Variants in U2SURP observed in about 807,000 individuals in gnomAD.
The protein encoded by U2SURP is U2 snRNP associated SURP domain containing.
Under a neutral mutation model 144.9 loss-of-function variants are expected in U2SURP, and 9 were observed. That is an observed-to-expected ratio of 0.06 (90% confidence interval 0.04 to 0.11). U2SURP has a LOEUF of 0.11. Ranked by LOEUF, U2SURP falls within the 10% of genes least tolerant of loss-of-function variation. U2SURP has a pLI of 1.00. For synonymous variants in U2SURP, 408 were observed against 396.8 expected, an observed-to-expected ratio of 1.03 and a Z score of -0.33; for missense variants, 724 against 1,226.7, an observed-to-expected ratio of 0.59 and a Z score of 6.12.
At chr3:143,002,741 C>T (rs1234346449) in intron 1 of U2SURP, among the ~76,000 whole-genome samples, 1 of 152,206 alleles carries the variant, frequency 6.6e-6, no homozygotes, top group Non-Finnish European at 1.5e-5. Context: ...TACTTGCTTT[C>T]TCTAATCCGA....
chr3:143,035,023 G>T, intron 19 of U2SURP, 48 bp downstream of exon 19: 1 of 298,980 alleles, frequency 3.3e-6, no homozygotes, highest in Admixed American at 4.5e-5. Flanking sequence ...TAAATGGGTG[G>T]GGGGAGGGCA....
At chr3:143,021,948 G>A (rs1187606663) in intron 10 of U2SURP, among the ~76,000 whole-genome samples, 2 of 152,108 alleles carry the variant, frequency 1.3e-5, no homozygotes, top group African/African-American at 2.4e-5. Context: ...CATTGGTGCT[G>A]TTAATTATGA....
At chr3:143,036,901 A>G (rs1428821594) in intron 20 of U2SURP, 1 of 380,438 alleles carries the variant, frequency 2.6e-6, no homozygotes, top group East Asian at 4.6e-5. Context: ...AAACAACAGC[A>G]AAAACCTTTA....
At position 143,022,620 on chromosome 3, in the gene U2SURP, A is replaced by G. The variant is rs1461855388; in HGVS notation, c.976A>G (p.Met326Val). The change falls in exon 11 of 28, where the codon ATG (methionine) becomes GTG (valine). Residue 326 changes from methionine (M) to valine (V), a missense_variant. This residue lies in a region of U2SURP where 1 missense variants were observed against 31.7 expected (regional missense o/e 0.03). Transcript: ENST00000473835. ...GAGAAATTGCGGCTTTGTGGCCTTT[A>G]TGAATAGAAGAGATGCTGAAAGAGC... ...RERNCGFVAF[M>V]NRRDAERALK... The G allele has an allele frequency of 6.2e-7, 1 of 1,613,728 alleles. No individual in the cohort carries two copies. Among genetic ancestry groups the G allele is most frequent in the Non-Finnish European group, 8.5e-7 (1 of 1,179,824 alleles).
chr3:143,007,203 T>A (rs1390281723), intron 1 of U2SURP, among the ~76,000 whole-genome samples: 3 of 152,178 alleles, frequency 2.0e-5, no homozygotes, highest in Admixed American at 6.5e-5. Context: ...TTAAAATAAA[T>A]TTCTCTTGTG....
intron 21 of U2SURP, among the ~76,000 whole-genome samples, chr3:143,037,555 G>C (rs930438096): frequency 1.3e-5 from 2 of 151,784 alleles, no homozygotes; most frequent in African/African-American, 4.8e-5. Context: ...TTTTTTTCTG[G>C]TCACATTTCT....
At chr3:143,004,050 G>A (rs1034113788) in intron 1 of U2SURP, among the ~76,000 whole-genome samples, 3 of 152,038 alleles carry the variant, frequency 2.0e-5, no homozygotes, top group South Asian at 4.1e-4. Context: ...AGATCATTTT[G>A]GCTAATACTA....
chr3:143,053,133 A>G (rs1035638217), intron 25 of U2SURP, among the ~76,000 whole-genome samples: 1 of 152,052 alleles, frequency 6.6e-6, no homozygotes, highest in Non-Finnish European at 1.5e-5. Flanking sequence ...GATTAAATCA[A>G]TTTGTTTATA....
intron 4 of U2SURP, among the ~76,000 whole-genome samples, chr3:143,015,589 T>G (rs780748025): frequency 2.6e-5 from 4 of 152,128 alleles, no homozygotes; most frequent in Non-Finnish European, 2.9e-5. Flanking sequence ...TTCAAATAAT[T>G]ATTCAGTTAT....
intron 1 of U2SURP, among the ~76,000 whole-genome samples, chr3:143,007,989 A>G (rs1302516171): frequency 6.6e-6 from 1 of 152,224 alleles, no homozygotes; most frequent in African/African-American, 2.4e-5. Flanking sequence ...AGCTGTAGGT[A>G]TGTATCAGTG....
rs1439916873 is a variant in U2SURP, at chr3:143,049,012, T to G, written c.2545-1927T>G. Among the ~76,000 whole-genome samples the G allele has an allele frequency of 2.6e-5, 4 of 151,238 alleles. 1 individual carries two copies. Among genetic ancestry groups the G allele is most frequent in the Non-Finnish European group, 5.9e-5 (4 of 67,870 alleles). ...GCTCATTCCTGTAATCCCAGCAGTTTGGGAGGCCAAGCTGGGTGTATCACC... is the reference window on the plus strand; with the variant it reads ...GCTCATTCCTGTAATCCCAGCAGTTGGGGAGGCCAAGCTGGGTGTATCACC... On this transcript the variant is annotated intron_variant, in intron 24 of 27. Transcript: ENST00000473835.
intron 6 of U2SURP, among the ~76,000 whole-genome samples, chr3:143,017,772 T>C (rs1455603929): frequency 6.6e-6 from 1 of 151,988 alleles, no homozygotes; most frequent in Admixed American, 6.6e-5. Context: ...GGCAATGTAG[T>C]CCCATGCCCA....
In U2SURP at chr3:143,034,953, AT is replaced by A; in HGVS notation, c.1922del (p.Leu641TyrfsTer10). Reference protein sequence around the residue: ...LNATYRTIQGHLQSENFKQRV... With the variant: ...LNATYRTIQGXLQSENFKQRV... Reference sequence around the variant, plus strand: ...GCCACCTATCGTACAATTCAAGGCCATTTACAATCTGAAAACTTTAAGGTAC... The same window carrying A: ...GCCACCTATCGTACAATTCAAGGCCATTACAATCTGAAAACTTTAAGGTAC... On this transcript the variant is annotated frameshift_variant, in exon 19 of 28. Transcript: ENST00000473835. LOFTEE classifies it high-confidence loss of function. The A allele has an allele frequency of 6.4e-7, 1 of 1,560,260 alleles. No individual in the cohort carries two copies. The highest frequency in any genetic ancestry group is 1.2e-5 in the South Asian group (1 of 85,892).
rs1184238540 is a variant in U2SURP, at chr3:143,051,041, C to A, written c.2647C>A (p.Leu883Ile). The change falls in exon 25 of 28, where the codon CTT becomes ATT. Residue 883 changes from leucine (L) to isoleucine (I), a missense_variant. This residue lies in a region of U2SURP where 129 missense variants were observed against 196.1 expected (regional missense o/e 0.66). Transcript: ENST00000473835. ...AGTAGAACACTACAGAGATAAACTT[C>A]TTCAACGAGTAAGGAATAAGTATAC... ...EQVEHYRDKL[L>I]QREKEKELER... The A allele has an allele frequency of 6.2e-7, 1 of 1,601,090 alleles. No homozygotes were observed. The highest frequency in any genetic ancestry group is 2.2e-5 in the East Asian group (1 of 44,724).
intron 5 of U2SURP, among the ~76,000 whole-genome samples, chr3:143,016,590 T>G (rs547531316): frequency 9.8e-5 from 15 of 152,316 alleles, no homozygotes; most frequent in African/African-American, 3.4e-4. Flanking sequence ...AGATAGCTTT[T>G]AAACATATTT....
rs1935332596 is a variant in U2SURP, at chr3:143,060,664, A to C, written c.*4214A>C. ...AAGTGATGTGACATGTTTATCAGTT[A>C]TGGCTAAAATGTTACACTTTACATG... On this transcript the variant is annotated 3_prime_UTR_variant, in exon 28 of 28. Coordinates refer to ENST00000473835, the MANE Select transcript of U2SURP (RefSeq NM_001080415.2). 6.6e-6 allele frequency: 1 copy of C among 152,022 alleles called. No individual in the cohort carries two copies. Among genetic ancestry groups the C allele is most frequent in the Admixed American group, 6.6e-5 (1 of 15,262 alleles). 9.4% of individuals were successfully genotyped at this position (152,022 alleles called of 1,614,324 possible). A position where few individuals can be genotyped will look rare whatever the true frequency, so the allele number is the denominator to read the frequency against.
chr3:143,023,957 A>T lies in U2SURP; in HGVS notation c.1231-18A>T. 6.2e-7 allele frequency: 1 copy of T among 1,611,752 alleles called. No homozygotes were observed. The highest frequency in any genetic ancestry group is 2.2e-5 in the East Asian group (1 of 44,800). On this transcript the variant is annotated intron_variant, in intron 12 of 27. Transcript: ENST00000473835. ...TCACATATTCTATGTTTATTATCTG[A>T]TGTGACTTCATATACAGACTCTGTC...
intron 2 of U2SURP, among the ~76,000 whole-genome samples, chr3:143,011,124 A>G (rs1180844676): frequency 1.3e-5 from 2 of 151,928 alleles, no homozygotes; most frequent in African/African-American, 4.8e-5. Flanking sequence ...TAACGTATCT[A>G]TACTTATACT....
intron 14 of U2SURP, 121 bp from the exon 15 acceptor site, chr3:143,028,219 T>C (rs1933269994): frequency 8.7e-7 from 1 of 1,155,554 alleles, no homozygotes. Flanking sequence ...TCTTCAGGGA[T>C]CTTTGTTTTT....
Sources: gnomAD v4.1 joint callset for allele counts (sites outside exome capture counted in the v4.1 genomes callset) on GRCh38, gnomAD v4.1.1 for gene constraint, gnomAD v4.1.1 regional missense constraint, MANE v1.5 for transcripts, NCBI Gene and HGNC (gene_info 2026-07-23, HGNC 2026-07-21) for gene names.